The following PXMP2 variants were observed in gnomAD, a reference collection of about 807,000 sequenced individuals.
PXMP2 encodes peroxisomal membrane protein 2.
PXMP2 carries 13 observed loss-of-function variants against 20.2 expected under a neutral mutation model. The observed-to-expected ratio is 0.64, with a 90% CI of 0.42 to 1.02. The LOEUF (loss-of-function observed/expected upper bound fraction) is 1.02. PXMP2 is among the 50% of genes least tolerant of loss of function. PXMP2 has a pLI of 0.00. For missense variants in PXMP2, 284 were observed against 251.8 expected (o/e 1.13, Z -0.87); for synonymous variants, 113 against 111.2 (o/e 1.02, Z -0.10).
Position 132,688,035 on chromosome 12 carries a change from G to T in PXMP2, c.122+243G>T, listed in dbSNP as rs368870660. The T allele has an allele frequency of 8.9e-4, 216 of 242,108 alleles. 9 individuals are homozygous for T. In the South Asian group the frequency reaches 0.03, roughly 34 times the overall value. 15.0% of individuals were successfully genotyped at this position (242,108 alleles called of 1,614,324 possible). A position where few individuals can be genotyped will look rare whatever the true frequency, so the allele number is the denominator to read the frequency against. On this transcript the variant is annotated intron_variant, in intron 1 of 4. Transcript: ENST00000317479. ...GCGCGTGGAGGGCCCGCCCAGACCC[G>T]GGGGTCGGCGCTGAGGTTCCACCCA...
rs201949583 is a variant in PXMP2 at position 132,700,041 on chromosome 12, C to CT, written c.400-1209_400-1208insT. On this transcript the variant is annotated intron_variant, in intron 3 of 4. Transcript: ENST00000317479. ...CTTGCCAGCATCTATTGTTTTTTGA[C>CT]CTTTTTTTTTTTTTTTTTGAGGCAG... 2.0e-3 allele frequency among the ~76,000 whole-genome samples: 283 copies of CT among 140,258 alleles called. 20 individuals are homozygous for CT. The highest frequency in any genetic ancestry group is 0.015 in the Middle Eastern group (4 of 274). The allele number at this position is 140,258 out of a possible 152,430, so 92.0% of individuals were successfully genotyped here.
chr12:132,690,562 GT>G lies in PXMP2; in HGVS notation c.236+194del, dbSNP rs765155470. ...TGTATGGCATATATACGCATACGTG[GT>G]TTTTTTTGTTTTTTCTTTTTTTTTG... On this transcript the variant is annotated intron_variant, in intron 2 of 4. Coordinates refer to ENST00000317479, the MANE Select transcript of PXMP2 (RefSeq NM_018663.3). Among the ~76,000 whole-genome samples the G allele has an allele frequency of 3.2e-5, 4 of 123,938 alleles. No homozygotes were observed. The East Asian group carries it at 8.4e-4, about 26-fold the overall frequency. 81.3% of individuals were successfully genotyped at this position (123,938 alleles called of 152,430 possible).
At chr12:132,687,828 C>T in intron 1 of PXMP2, 36 bp downstream of exon 1, 1 of 1,125,360 alleles carries the variant, frequency 8.9e-7, no homozygotes, top group Non-Finnish European at 1.1e-6. Flanking sequence ...GCCGCCCCGG[C>T]CCCAGGTCGG....
At chr12:132,691,490 G>A (rs1056939303) in intron 2 of PXMP2, among the ~76,000 whole-genome samples, 9 of 152,052 alleles carry the variant, frequency 5.9e-5, no homozygotes, top group African/African-American at 1.7e-4. Flanking sequence ...GTGAGCTCTC[G>A]GCCAACAGTA....
chr12:132,699,322 C>T (rs544345092), intron 3 of PXMP2, among the ~76,000 whole-genome samples: 15 of 152,094 alleles, frequency 9.9e-5, no homozygotes, highest in South Asian at 6.2e-4. Context: ...GAGGCTGAGA[C>T]GGAGGCTTGA....
intron 4 of PXMP2, chr12:132,702,554 TC>T (rs1264549962): frequency 6.7e-6 from 2 of 298,066 alleles, no homozygotes; most frequent in Non-Finnish European, 1.3e-5. Flanking sequence ...CGTGCTTCCC[TC>T]CCCCAGAAGG....
chr12:132,701,473 C>A, intron 4 of PXMP2, 104 bp downstream of exon 4: 1 of 1,398,746 alleles, frequency 7.1e-7, no homozygotes, highest in Non-Finnish European at 9.5e-7. Context: ...CTTCTTTTCT[C>A]TTCTCTTCTT....
chr12:132,687,706 C>G lies in PXMP2; in HGVS notation c.36C>G (p.Ala12=), dbSNP rs756266744. Residue 12 remains alanine (A), a synonymous_variant, in exon 1 of 5, where the codon GCC becomes GCG. Coordinates refer to ENST00000317479, the MANE Select transcript of PXMP2 (RefSeq NM_018663.3). ...CCGCGTCCAGGCTGCGGGCCGAAGC[C>G]GGGCTCGGGGCGCTGCCGCGGCGGG... ...APAASRLRAE[A]GLGALPRRAL... The G allele has an allele frequency of 1.7e-6, 2 of 1,195,740 alleles. No individual in the cohort carries two copies. The highest frequency in any genetic ancestry group is 2.1e-6 in the Non-Finnish European group (2 of 966,846). The allele number at this position is 1,195,740 out of a possible 1,614,324, so 74.1% of individuals were successfully genotyped here.
chr12:132,701,342 C>G lies in PXMP2; in HGVS notation c.492C>G (p.Phe164Leu). 6.2e-7 allele frequency: 1 copy of G among 1,613,056 alleles called. No homozygotes were observed. The highest frequency in any genetic ancestry group is 8.5e-7 in the Non-Finnish European group (1 of 1,179,802). ...GGCGGGTGTGGACGCCACTACAGTT[C>G]ATCAACATCAACTACGTCCCTCTGA... ...MNWRVWTPLQFININYVPLKF... is the reference protein window; with the variant it reads ...MNWRVWTPLQLININYVPLKF... Residue 164 changes from phenylalanine (F) to leucine (L), a missense_variant, in exon 4 of 5, where the codon TTC becomes TTG. Phe to Leu is a conservative substitution (Grantham distance 22). Coordinates refer to ENST00000317479, the MANE Select transcript of PXMP2 (RefSeq NM_018663.3).
At chr12:132,695,742 C>T in intron 2 of PXMP2, 142 bp from the exon 3 acceptor site, 1 of 743,996 alleles carries the variant, frequency 1.3e-6, no homozygotes, top group Non-Finnish European at 1.9e-6. Flanking sequence ...CTGAAGCCGA[C>T]TTATCTGTAC....
At chr12:132,693,783 CAGTTAGTTAGTTAGCTCCCTTAGCCAGTT>C in intron 2 of PXMP2, among the ~76,000 whole-genome samples, 2 of 105,536 alleles carry the variant, frequency 1.9e-5, no homozygotes, top group African/African-American at 6.9e-5. Flanking sequence ...GCGCCCTTGC[CAGTTAGTTAGTTAGCTCCCTTAGCCAGTT>C]AGTTAGTGAG....
At chr12:132,690,157 C>CCCA in intron 1 of PXMP2, 106 bp from the exon 2 acceptor site, 1 of 811,012 alleles carries the variant, frequency 1.2e-6, no homozygotes, top group Non-Finnish European at 2.1e-6. Context: ...TCCTACCCCC[C>CCCA]GCCCATCTGC....
intron 1 of PXMP2, 140 bp from the exon 2 acceptor site, chr12:132,690,123 C>T (rs758801925): frequency 2.0e-4 from 134 of 657,600 alleles, no homozygotes; most frequent in Non-Finnish European, 3.2e-4. Context: ...AAGAACTATA[C>T]ATTGCAGCCG....
chr12:132,694,731 G>T (rs2043399571), intron 2 of PXMP2, among the ~76,000 whole-genome samples: 1 of 111,574 alleles, frequency 9.0e-6, no homozygotes, highest in Non-Finnish European at 2.0e-5. Flanking sequence ...GAGCTCCCTT[G>T]CCAGTTAGTT....
At chr12:132,692,612 C>T (rs2043377083) in intron 2 of PXMP2, among the ~76,000 whole-genome samples, 1 of 133,836 alleles carries the variant, frequency 7.5e-6, no homozygotes, top group African/African-American at 3.0e-5. Context: ...GTTAAGTGAG[C>T]GCCCTTAGCC....
chr12:132,691,051 A>T (rs1222537251), intron 2 of PXMP2, among the ~76,000 whole-genome samples: 2 of 133,756 alleles, frequency 1.5e-5, no homozygotes, highest in South Asian at 2.4e-4. Context: ...TGTTATTTTA[A>T]TTTTTTTTTT....
chr12:132,692,916 T>C (rs1298696798), intron 2 of PXMP2, among the ~76,000 whole-genome samples: 1 of 94,582 alleles, frequency 1.1e-5, no homozygotes, highest in Non-Finnish European at 2.3e-5. Context: ...AGTTAGTTAG[T>C]GAGCGCCCTT....
In PXMP2 at chr12:132,704,646, G is replaced by C. The variant is rs976468680; in HGVS notation, c.547G>C (p.Ala183Pro). The C allele has an allele frequency of 2.0e-6, 3 of 1,500,320 alleles. No individual in the cohort carries two copies. In the African/African-American group the frequency reaches 4.2e-5, roughly 21 times the overall value. 92.9% of individuals were successfully genotyped at this position (1,500,320 alleles called of 1,614,324 possible). The change falls in exon 5 of 5, where the codon GCT becomes CCT. Residue 183 changes from alanine (A) to proline (P), a missense_variant. Transcript: ENST00000317479. ...CCGGGTGCTCTTCGCCAACCTGGCAGCTCTGTTCTGGTATGCCTACCTGGC... is the reference window on the plus strand; with the variant it reads ...CCGGGTGCTCTTCGCCAACCTGGCACCTCTGTTCTGGTATGCCTACCTGGC... ...KFRVLFANLA[A>P]LFWYAYLASL... is the part of the protein sequence containing the mutation.
At position 132,695,988 on chromosome 12, in the gene PXMP2, G is replaced by T. The variant is rs143776192; in HGVS notation, c.341G>T (p.Arg114Leu). Residue 114 changes from arginine (R) to leucine (L), a missense_variant, in exon 3 of 5, where the codon CGC (arginine) becomes CTC (leucine). Physicochemically the swap from Arg to Leu is moderately radical, Grantham distance 102. Coordinates refer to ENST00000317479, the MANE Select transcript of PXMP2 (RefSeq NM_018663.3). ...LAGLRRLLLDRLVFAPAFLML... is the reference protein window; with the variant it reads ...LAGLRRLLLDLLVFAPAFLML... ...GGGCTCAGGAGGCTTCTCCTGGACC[G>T]CCTCGTCTTTGCACCGGCCTTCCTC... 11 of 1,611,992 alleles carry T rather than the reference G, an allele frequency of 6.8e-6. No homozygotes were observed. The African/African-American group carries it at 1.3e-4, about 20-fold the overall frequency.
Sources: allele counts gnomAD v4.1 joint callset (sites outside exome capture counted in the v4.1 genomes callset), GRCh38; gene constraint gnomAD v4.1.1; transcripts MANE v1.5; gene names NCBI Gene and HGNC (gene_info 2026-07-23, HGNC 2026-07-21).